RBFOX1: variants seen among roughly 807,000 people sequenced by gnomAD.
The protein encoded by RBFOX1 is RNA binding fox-1 homolog 1, also known as RNA binding protein fox-1 homolog 1.
RBFOX1 carries 8 observed loss-of-function variants against 57.7 expected under a neutral mutation model. The ratio of observed to expected loss-of-function variants is 0.14; its 90% confidence interval spans 0.08 to 0.25. The LOEUF (loss-of-function observed/expected upper bound fraction) is 0.25. Among genes scored for constraint, RBFOX1 ranks in the 10% least tolerant of loss-of-function variants. RBFOX1 has a pLI of 1.00. For missense variants in RBFOX1, 611 were observed against 548.5 expected, an observed-to-expected ratio of 1.11 and a Z score of -1.14; for synonymous variants, 326 against 222.4, an observed-to-expected ratio of 1.47 and a Z score of -4.15.
intron 11 of RBFOX1, among the ~76,000 whole-genome samples, chr16:7,631,429 A>T (rs148118718): frequency 6.6e-6 from 1 of 152,188 alleles, no homozygotes; most frequent in Non-Finnish European, 1.5e-5. Context: ...CCTCACCCCA[A>T]TTCCCAGAGC....
At position 7,609,233 on chromosome 16, in the gene RBFOX1, T is replaced by C. The variant is rs529146502; in HGVS notation, c.676+1895T>C. On this transcript the variant is annotated intron_variant, in intron 10 of 15. Transcript: ENST00000550418. ...TCCAGTGAAGAACAAGAAGCCTTCT[T>C]GTGGGGAGGAAGGGTATGGATGTGA... 3.3e-5 allele frequency among the ~76,000 whole-genome samples: 5 copies of C among 152,220 alleles called. No homozygotes were observed. The East Asian group carries it at 9.7e-4, about 29-fold the overall frequency.
chr16:5,707,762 G>C (rs2051307242), intron 3 of RBFOX1, among the ~76,000 whole-genome samples: 1 of 152,160 alleles, frequency 6.6e-6, no homozygotes, highest in Non-Finnish European at 1.5e-5. Flanking sequence ...TGGGGATTAG[G>C]AAAACCTGTG....
chr16:6,130,864 A>C (rs1418107436), intron 1 of RBFOX1, among the ~76,000 whole-genome samples: 1 of 152,160 alleles, frequency 6.6e-6, no homozygotes, highest in Non-Finnish European at 1.5e-5. Context: ...CAGCTTCAAA[A>C]TACATCAAGC....
chr16:6,113,276 T>G (rs1752315228), intron 1 of RBFOX1, among the ~76,000 whole-genome samples: 1 of 152,186 alleles, frequency 6.6e-6, no homozygotes, highest in African/African-American at 2.4e-5. Context: ...CATTTTAAGC[T>G]TCTGCTCACA....
intron 3 of RBFOX1, among the ~76,000 whole-genome samples, chr16:6,994,913 T>C (rs898039651): frequency 3.3e-5 from 5 of 152,014 alleles, no homozygotes; most frequent in Non-Finnish European, 7.3e-5. Flanking sequence ...TCAGAACATA[T>C]CCCTGATTGG....
chr16:6,207,239 C>T (rs1204792034), intron 1 of RBFOX1, among the ~76,000 whole-genome samples: 1 of 152,132 alleles, frequency 6.6e-6, no homozygotes, highest in East Asian at 1.9e-4. Context: ...TGAGACTCTC[C>T]TTGTTCAGTG....
At chr16:7,102,370 A>G (rs780036479) in intron 4 of RBFOX1, among the ~76,000 whole-genome samples, 2 of 152,186 alleles carry the variant, frequency 1.3e-5, no homozygotes, top group Non-Finnish European at 2.9e-5. Flanking sequence ...GAGCCTTAGA[A>G]TTGTCTTTAG....
chr16:5,466,695 T>G (rs1884479172), intron 1 of RBFOX1, among the ~76,000 whole-genome samples: 1 of 152,198 alleles, frequency 6.6e-6, no homozygotes, highest in South Asian at 2.1e-4. Context: ...CTTGACATCA[T>G]CTCTTTGCCT....
intron 2 of RBFOX1, among the ~76,000 whole-genome samples, chr16:6,617,526 A>G (rs1293840113): frequency 6.6e-6 from 1 of 151,984 alleles, no homozygotes; most frequent in Non-Finnish European, 1.5e-5. Flanking sequence ...GACCCTATAG[A>G]GATGAGATCA....
At chr16:5,671,593 G>C (rs1233426408) in intron 3 of RBFOX1, among the ~76,000 whole-genome samples, 1 of 152,174 alleles carries the variant, frequency 6.6e-6, no homozygotes, top group Non-Finnish European at 1.5e-5. Flanking sequence ...GCATTTAGTG[G>C]TAATTATAAT....
At chr16:7,649,655 G>A (rs1379438596) in intron 11 of RBFOX1, among the ~76,000 whole-genome samples, 1 of 152,138 alleles carries the variant, frequency 6.6e-6, no homozygotes, top group Non-Finnish European at 1.5e-5. Context: ...CTCCCAGAAG[G>A]AAGACAAACA....
At chr16:6,685,098 A>G (rs1039300149) in intron 3 of RBFOX1, among the ~76,000 whole-genome samples, 2 of 152,102 alleles carry the variant, frequency 1.3e-5, no homozygotes, top group South Asian at 2.1e-4. Context: ...TCATTTCCCT[A>G]TTTCCTGTCC....
In RBFOX1 at chr16:7,478,570, G is replaced by A. The variant is rs112656555; in HGVS notation, c.28-39577G>A. On this transcript the variant is annotated intron_variant, in intron 4 of 15. Transcript: ENST00000550418. Reference sequence around the variant, plus strand: ...CTGAGGTCCTTGATGCTGGGCATTGGCACACCTCACAGTGAGATGATTTCT... The same window carrying A: ...CTGAGGTCCTTGATGCTGGGCATTGACACACCTCACAGTGAGATGATTTCT... Among the ~76,000 whole-genome samples the A allele has an allele frequency of 3.4e-3, 515 of 152,270 alleles. 1 individual carries two copies. The highest frequency in any genetic ancestry group is 0.012 in the African/African-American group (500 of 41,552).
At chr16:7,042,771 C>G (rs1597832621) in intron 3 of RBFOX1, among the ~76,000 whole-genome samples, 1 of 152,014 alleles carries the variant, frequency 6.6e-6, no homozygotes, top group South Asian at 2.1e-4. Context: ...GCTACAAATG[C>G]AAAAATTAGC....
At chr16:5,503,857 A>G (rs1042228422) in intron 2 of RBFOX1, among the ~76,000 whole-genome samples, 2 of 152,126 alleles carry the variant, frequency 1.3e-5, no homozygotes, top group African/African-American at 2.4e-5. Context: ...TCAAACCCCT[A>G]TTGTCTGGTC....
At chr16:6,317,628 C>G (rs2081273603) in intron 2 of RBFOX1, among the ~76,000 whole-genome samples, 1 of 152,094 alleles carries the variant, frequency 6.6e-6, no homozygotes, top group South Asian at 2.1e-4. Flanking sequence ...CATTTTTCCA[C>G]TTTCTGCCTT....
chr16:7,591,746 C>G (rs1276826838), intron 7 of RBFOX1, among the ~76,000 whole-genome samples: 1 of 152,182 alleles, frequency 6.6e-6, no homozygotes, highest in Non-Finnish European at 1.5e-5. Context: ...ACACCCAGCC[C>G]TTTGCCGAGC....
intron 1 of RBFOX1, among the ~76,000 whole-genome samples, chr16:6,211,821 T>C (rs899355718): frequency 1.7e-5 from 1 of 58,908 alleles, no homozygotes; most frequent in Non-Finnish European, 4.1e-5. Flanking sequence ...GAATACATCT[T>C]TTATTTATTT....
At chr16:6,003,041 A>T (rs2060628456) in intron 4 of RBFOX1, among the ~76,000 whole-genome samples, 1 of 152,154 alleles carries the variant, frequency 6.6e-6, no homozygotes, top group Non-Finnish European at 1.5e-5. Flanking sequence ...ACACTTTGGG[A>T]GGCTGAGGCG....
Sources: gnomAD v4.1 joint callset for allele counts (sites outside exome capture counted in the v4.1 genomes callset) on GRCh38, gnomAD v4.1.1 for gene constraint, MANE v1.5 for transcripts, NCBI Gene and HGNC (gene_info 2026-07-23, HGNC 2026-07-21) for gene names.